RAP1GDS1: variants seen among roughly 807,000 people sequenced by gnomAD.
RAP1GDS1 encodes the protein RAP1, GTP-GDP dissociation stimulator 1.
Under a neutral mutation model 71.1 loss-of-function variants are expected in RAP1GDS1, and 35 were observed. The observed-to-expected ratio is 0.49, with a 90% CI of 0.38 to 0.65. The LOEUF (loss-of-function observed/expected upper bound fraction) is 0.65. RAP1GDS1 is among the 30% of genes least tolerant of loss of function. The pLI, the probability that RAP1GDS1 is intolerant of heterozygous loss-of-function variation, is 0.00. For missense variants in RAP1GDS1, 663 were observed against 706.1 expected, an observed-to-expected ratio of 0.94 and a Z score of 0.69; for synonymous variants, 229 against 243.1, an observed-to-expected ratio of 0.94 and a Z score of 0.54.
At chr4:98,324,864 A>T (rs1732694413) in intron 2 of RAP1GDS1, among the ~76,000 whole-genome samples, 1 of 152,292 alleles carries the variant, frequency 6.6e-6, no homozygotes, top group East Asian at 1.9e-4. Flanking sequence ...AGCGTGGGCA[A>T]GGACTTCATG....
chr4:98,371,773 G>A (rs1473595374), intron 4 of RAP1GDS1, among the ~76,000 whole-genome samples: 1 of 152,064 alleles, frequency 6.6e-6, no homozygotes, highest in Non-Finnish European at 1.5e-5. Context: ...CGCTTTTTCT[G>A]ATGTCTACTA....
intron 2 of RAP1GDS1, among the ~76,000 whole-genome samples, chr4:98,334,986 T>C (rs1055570607): frequency 6.6e-6 from 1 of 151,972 alleles, no homozygotes; most frequent in African/African-American, 2.4e-5. Flanking sequence ...TTGCAGGTTT[T>C]TTGTTTTTTT....
At chr4:98,414,523 T>A (rs948824124) in intron 7 of RAP1GDS1, among the ~76,000 whole-genome samples, 1 of 150,784 alleles carries the variant, frequency 6.6e-6, no homozygotes, top group Non-Finnish European at 1.5e-5. Context: ...ATCAGATAGT[T>A]GTAGATATGC....
intron 3 of RAP1GDS1, among the ~76,000 whole-genome samples, chr4:98,349,436 A>T (rs1268199427): frequency 1.3e-5 from 2 of 152,012 alleles, no homozygotes; most frequent in Non-Finnish European, 2.9e-5. Context: ...CTTAGGATTG[A>T]CTTGGCAATG....
rs1221624954 is a variant in RAP1GDS1 at position 98,442,624 on chromosome 4, G to A, written c.*507G>A. The A allele has an allele frequency of 8.8e-6, 2 of 227,958 alleles. No homozygotes were observed. Among genetic ancestry groups the A allele is most frequent in the East Asian group, 1.3e-4 (2 of 15,772 alleles). 14.1% of individuals were successfully genotyped at this position (227,958 alleles called of 1,614,324 possible). On this transcript the variant is annotated 3_prime_UTR_variant, in exon 15 of 15. Coordinates refer to ENST00000408927, the MANE Select transcript of RAP1GDS1 (RefSeq NM_001100427.2). Reference sequence around the variant, plus strand: ...TCTTTCCTACTGATGTCAAATCCATGGTACCTAGAGTTAAATAAAATTCCA... The same window carrying A: ...TCTTTCCTACTGATGTCAAATCCATAGTACCTAGAGTTAAATAAAATTCCA...
intron 2 of RAP1GDS1, among the ~76,000 whole-genome samples, chr4:98,323,944 A>G (rs1732458555): frequency 7.0e-6 from 1 of 142,032 alleles, no homozygotes; most frequent in Non-Finnish European, 1.5e-5. Context: ...AGGAGAAGGA[A>G]ATAAAGGGTA....
chr4:98,432,092 C>T (rs1255331443), intron 12 of RAP1GDS1, among the ~76,000 whole-genome samples: 6 of 152,130 alleles, frequency 3.9e-5, no homozygotes, highest in Non-Finnish European at 8.8e-5. Context: ...CTCCCCCCAT[C>T]CCACGACAGG....
At chr4:98,429,021 G>A (rs886699172) in intron 12 of RAP1GDS1, among the ~76,000 whole-genome samples, 26 of 152,178 alleles carry the variant, frequency 1.7e-4, no homozygotes, top group African/African-American at 5.3e-4. Flanking sequence ...CACTATGGGA[G>A]GACGAGGCAG....
chr4:98,261,611 TC>T (rs1721977805), intron 1 of RAP1GDS1, 42 bp downstream of exon 1: 1 of 1,588,392 alleles, frequency 6.3e-7, no homozygotes, highest in Non-Finnish European at 8.6e-7. Context: ...GACATTTTTT[TC>T]TTTCTCGGCG....
rs192379054 is a variant in RAP1GDS1 at position 98,298,945 on chromosome 4, A to G, written c.112+5430A>G. On this transcript the variant is annotated intron_variant, in intron 2 of 14. Transcript: ENST00000408927. The stretch of plus-strand genomic sequence containing the variant: ...TATTATACTTTAAGTTCTAGGGTAC[A>G]TGTGCACAACATGCAGGTTTGTTAC... 5.0e-3 allele frequency among the ~76,000 whole-genome samples: 754 copies of G among 152,282 alleles called. 7 individuals are homozygous for G. The highest frequency in any genetic ancestry group is 0.018 in the South Asian group (85 of 4,816).
chr4:98,419,892 C>T lies in RAP1GDS1; in HGVS notation c.1175-127C>T, dbSNP rs1379924578. 8.0e-5 allele frequency: 82 copies of T among 1,025,282 alleles called. 1 individual carries two copies. The East Asian group carries it at 2.2e-3, about 28-fold the overall frequency. 63.5% of individuals were successfully genotyped at this position (1,025,282 alleles called of 1,614,324 possible). ...ATTCTTAAAATTGACAAAAAAGTGA[C>T]AAGATTGTTTCTAAATGGAAAAATA... On this transcript the variant is annotated intron_variant, in intron 10 of 14. Coordinates refer to ENST00000408927, the MANE Select transcript of RAP1GDS1 (RefSeq NM_001100427.2).
intron 1 of RAP1GDS1, among the ~76,000 whole-genome samples, chr4:98,266,981 T>C (rs1722788959): frequency 6.6e-6 from 1 of 152,148 alleles, no homozygotes; most frequent in Non-Finnish European, 1.5e-5. Flanking sequence ...AATTTTAATA[T>C]CCAGTCATGA....
At chr4:98,327,612 G>A (rs962746832) in intron 2 of RAP1GDS1, among the ~76,000 whole-genome samples, 5 of 152,096 alleles carry the variant, frequency 3.3e-5, no homozygotes, top group African/African-American at 1.2e-4. Flanking sequence ...GATTTCAACA[G>A]CTTTAATTTT....
At chr4:98,377,110 C>T (rs562186995) in intron 4 of RAP1GDS1, among the ~76,000 whole-genome samples, 1 of 151,952 alleles carries the variant, frequency 6.6e-6, no homozygotes, top group African/African-American at 2.4e-5. Flanking sequence ...TATATGAATA[C>T]AAGGCTTAGT....
chr4:98,296,563 T>C (rs1394886438), intron 2 of RAP1GDS1, among the ~76,000 whole-genome samples: 2 of 152,158 alleles, frequency 1.3e-5, no homozygotes, highest in Non-Finnish European at 2.9e-5. Context: ...TTCACTCATA[T>C]AAATACATCA....
chr4:98,325,153 CA>C lies in RAP1GDS1; in HGVS notation c.113-17980del, dbSNP rs1311983498. Among the ~76,000 whole-genome samples, 324 of 151,646 alleles carry C rather than the reference CA, an allele frequency of 2.1e-3. 4 individuals carry two copies. Among genetic ancestry groups the C allele is most frequent in the African/African-American group, 7.1e-3 (293 of 41,296 alleles). On this transcript the variant is annotated intron_variant, in intron 2 of 14. Transcript: ENST00000408927. The stretch of plus-strand genomic sequence containing the variant: ...TCTCAAAAGAAGACATTTATGCAGC[CA>C]AAAAACACATGAAAAAATGCTCACC...
intron 4 of RAP1GDS1, among the ~76,000 whole-genome samples, chr4:98,378,201 T>G (rs990371576): frequency 1.3e-5 from 2 of 151,926 alleles, no homozygotes; most frequent in African/African-American, 4.8e-5. Context: ...TATTCTTCTT[T>G]TAATTTATTT....
chr4:98,347,678 T>C (rs1477283520), intron 3 of RAP1GDS1, among the ~76,000 whole-genome samples: 1 of 152,112 alleles, frequency 6.6e-6, no homozygotes, highest in Non-Finnish European at 1.5e-5. Flanking sequence ...TCCCTTGCAG[T>C]ACTGCCCCTT....
At chr4:98,398,984 C>T (rs151285856) in intron 6 of RAP1GDS1, among the ~76,000 whole-genome samples, 5 of 152,200 alleles carry the variant, frequency 3.3e-5, no homozygotes, top group Admixed American at 6.5e-5. Flanking sequence ...ATTGTTAAAA[C>T]GGTCATACTA....
Sources: gnomAD v4.1 joint callset for allele counts (sites outside exome capture counted in the v4.1 genomes callset) on GRCh38, gnomAD v4.1.1 for gene constraint, MANE v1.5 for transcripts, NCBI Gene and HGNC (gene_info 2026-07-23, HGNC 2026-07-21) for gene names.